Variants in ADAMTS2 observed in about 807,000 individuals in gnomAD.
The protein encoded by ADAMTS2 is A disintegrin and metalloproteinase with thrombospondin motifs 2.
ADAMTS2 carries 50 observed loss-of-function variants against 123.0 expected under a neutral mutation model. The observed-to-expected ratio is 0.41, with a 90% CI of 0.32 to 0.51. ADAMTS2 has a LOEUF of 0.51. ADAMTS2 is among the 20% of genes least tolerant of loss of function. The pLI is 0.35. For synonymous variants in ADAMTS2, 678 were observed against 695.4 expected, an observed-to-expected ratio of 0.98 and a Z score of 0.39; for missense variants, 1,494 against 1,705.2, an observed-to-expected ratio of 0.88 and a Z score of 2.18.
At chr5:179,295,154 G>C (rs574783771) in intron 2 of ADAMTS2, among the ~76,000 whole-genome samples, 1 of 152,342 alleles carries the variant, frequency 6.6e-6, no homozygotes, top group South Asian at 2.1e-4. Flanking sequence ...TTCTGGATTA[G>C]AAAGGAAACC....
At position 179,154,913 on chromosome 5, in the gene ADAMTS2, G is replaced by A. The variant is rs1439055134; in HGVS notation, c.1139C>T (p.Ala380Val). 1 of 1,613,072 alleles carries A rather than the reference G, an allele frequency of 6.2e-7. No homozygotes were observed. The highest frequency in any genetic ancestry group is 8.5e-7 in the Non-Finnish European group (1 of 1,179,774). Reference protein sequence around the residue: ...DFGPSGMQGYAPVTGMCHPVR... With the variant: ...DFGPSGMQGYVPVTGMCHPVR... ...CGGATGGCACATGCCGGTGACAGGA[G>A]CATAGCCTGGGAGGAGACAAGAGGC... The change falls in exon 7 of 22, where the codon GCT (alanine) becomes GTT (valine). Residue 380 changes from alanine to valine, a missense_variant. By Grantham distance (64) the Ala-to-Val change is moderately conservative. This residue lies in a region of ADAMTS2 where 47 missense variants were observed against 92.7 expected (regional missense o/e 0.51). Coordinates refer to ENST00000251582, the MANE Select transcript of ADAMTS2 (RefSeq NM_014244.5).
rs1289964717 is a variant in ADAMTS2, at chr5:179,129,728, A to T, written c.2457+204T>A. On this transcript the variant is annotated intron_variant, in intron 16 of 21. Transcript: ENST00000251582. The surrounding 1 kb of genome is among the most constrained non-coding windows in gnomAD (Gnocchi z 4.1). The stretch of plus-strand genomic sequence containing the variant: ...GTGTGCCCAAGGTCACCTAGGGGTC[A>T]TGTGGGGTCCAGAGCCCCGGCTCGT... 6.6e-6 allele frequency among the ~76,000 whole-genome samples: 1 copy of T among 152,212 alleles called. No homozygotes were observed. Among genetic ancestry groups the T allele is most frequent in the East Asian group, 1.9e-4 (1 of 5,180 alleles).
At position 179,307,643 on chromosome 5, in the gene ADAMTS2, G is replaced by T. The variant is rs937837102; in HGVS notation, c.535-34579C>A. The stretch of plus-strand genomic sequence containing the variant: ...GGCTTCCCACCACATGACTGCCCCG[G>T]TCCCCGCTGATTTCTCCTTCACTCA... On this transcript the variant is annotated intron_variant, in intron 2 of 21. Transcript: ENST00000251582. This position sits in a 1 kb window ranked among gnomAD's most constrained non-coding sequence, Gnocchi z 5.6. 6.6e-6 allele frequency among the ~76,000 whole-genome samples: 1 copy of T among 152,120 alleles called. No homozygotes were observed. The highest frequency in any genetic ancestry group is 2.4e-5 in the African/African-American group (1 of 41,424).
intron 3 of ADAMTS2, among the ~76,000 whole-genome samples, chr5:179,224,090 C>G (rs1188586552): frequency 6.6e-6 from 1 of 152,204 alleles, no homozygotes; most frequent in East Asian, 1.9e-4. Flanking sequence ...TCTGTATCTC[C>G]TTGGTGGGAG....
rs545089318 is a variant in ADAMTS2 at position 179,312,695 on chromosome 5, G to A, written c.534+31072C>T. ...AGAGCAGAGGGAGATGGAGGATGTC[G>A]GCCCTGAAGCCCAGAGCGAAGAGGC... is the stretch of plus-strand genomic sequence containing the variant. On this transcript the variant is annotated intron_variant, in intron 2 of 21. Transcript: ENST00000251582. The surrounding 1 kb of genome is among the most constrained non-coding windows in gnomAD (Gnocchi z 4.2). 3.9e-5 allele frequency among the ~76,000 whole-genome samples: 6 copies of A among 152,148 alleles called. No individual in the cohort carries two copies. The highest frequency in any genetic ancestry group is 6.5e-5 in the Admixed American group (1 of 15,282).
chr5:179,195,532 C>T (rs1265978109), intron 4 of ADAMTS2, among the ~76,000 whole-genome samples: 3 of 152,224 alleles, frequency 2.0e-5, no homozygotes, highest in African/African-American at 7.2e-5. Context: ...GAAGAGCGAG[C>T]TGGCAGCAGT....
In ADAMTS2 at chr5:179,115,713, A is replaced by C. The variant is rs1221136449; in HGVS notation, c.3179-1389T>G. ...GAGGAGGAAAGGGAGGGAGAAAGGGAGGGAGAAAGGCTCAGGCATTGGATG... is the reference window on the plus strand; with the variant it reads ...GAGGAGGAAAGGGAGGGAGAAAGGGCGGGAGAAAGGCTCAGGCATTGGATG... On this transcript the variant is annotated intron_variant, in intron 21 of 21. Transcript: ENST00000251582. The surrounding 1 kb of genome is among the most constrained non-coding windows in gnomAD (Gnocchi z 4.4). Among the ~76,000 whole-genome samples the C allele has an allele frequency of 6.6e-6, 1 of 151,994 alleles. No individual in the cohort carries two copies. The highest frequency in any genetic ancestry group is 2.4e-5 in the African/African-American group (1 of 41,296).
At chr5:179,248,926 G>A (rs988846013) in intron 3 of ADAMTS2, among the ~76,000 whole-genome samples, 8 of 152,060 alleles carry the variant, frequency 5.3e-5, no homozygotes, top group South Asian at 4.1e-4. Context: ...ACTCAACAGC[G>A]GCAGAATGTG....
chr5:179,258,975 C>A (rs1384578940), intron 3 of ADAMTS2, among the ~76,000 whole-genome samples: 1 of 152,198 alleles, frequency 6.6e-6, no homozygotes, highest in Admixed American at 6.5e-5. Context: ...GCCACCTGAT[C>A]CAGGCCGCAG....
intron 3 of ADAMTS2, among the ~76,000 whole-genome samples, chr5:179,261,462 CT>C (rs1349070562): frequency 1.3e-5 from 2 of 152,248 alleles, no homozygotes; most frequent in East Asian, 1.9e-4. Flanking sequence ...TAGGTGCCCC[CT>C]GATGGCTGCT....
At chr5:179,206,087 G>A (rs17079202) in intron 4 of ADAMTS2, among the ~76,000 whole-genome samples, 8,908 of 152,234 alleles carry the variant, frequency 0.059, 372 homozygotes, top group Non-Finnish European at 0.087. Flanking sequence ...TTAAAGGTAC[G>A]TTTCAAAAAT....
chr5:179,333,854 C>A (rs1383920487), intron 2 of ADAMTS2, among the ~76,000 whole-genome samples: 1 of 152,102 alleles, frequency 6.6e-6, no homozygotes, highest in Non-Finnish European at 1.5e-5. Flanking sequence ...CCCGCCTCAG[C>A]CTCCTCAAGT....
At chr5:179,195,614 C>T (rs62396159) in intron 4 of ADAMTS2, among the ~76,000 whole-genome samples, 24,549 of 152,264 alleles carry the variant, frequency 0.16, 2,418 homozygotes, top group Non-Finnish European at 0.22. Context: ...GTGGCCTCTC[C>T]GGTCGCCCGA....
At chr5:179,152,287 C>T in intron 9 of ADAMTS2, 32 bp from the exon 10 acceptor site, 1 of 1,606,612 alleles carries the variant, frequency 6.2e-7, no homozygotes. Flanking sequence ...TGCCAGGTCC[C>T]TCCCACCTCA....
chr5:179,274,324 TA>T lies in ADAMTS2; in HGVS notation c.535-1261del, dbSNP rs571406486. ...AGCTTATGACCCATGCAGGGGATTT[TA>T]AAAGCTTGAATTTGTTGCCAAACTT... On this transcript the variant is annotated intron_variant, in intron 2 of 21. Transcript: ENST00000251582. Among the ~76,000 whole-genome samples, 33 of 152,330 alleles carry T rather than the reference TA, an allele frequency of 2.2e-4. 1 individual carries two copies. The South Asian group carries it at 6.0e-3, about 28-fold the overall frequency.
rs957771345 is a variant in ADAMTS2, at chr5:179,121,742, A to G, written c.3097T>C (p.Ser1033Pro). 34 of 1,577,238 alleles carry G rather than the reference A, an allele frequency of 2.2e-5. No individual in the cohort carries two copies. The highest frequency in any genetic ancestry group is 2.6e-5 in the Non-Finnish European group (30 of 1,159,530). The change falls in exon 21 of 22, where the codon TCA becomes CCA. Residue 1033 changes from serine (S) to proline (P), a missense_variant. Physicochemically the swap from Ser to Pro is moderately conservative, Grantham distance 74. Coordinates refer to ENST00000251582, the MANE Select transcript of ADAMTS2 (RefSeq NM_014244.5). Reference protein sequence around the residue: ...CRLGPCPRNISDPSKKSYVVQ... With the variant: ...CRLGPCPRNIPDPSKKSYVVQ... ...ACGTAGCTCTTCTTGGAGGGATCTG[A>G]GATGTTTCCTAGAGGGAGGAGAGAG...
chr5:179,143,630 G>A (rs10041147), intron 10 of ADAMTS2, among the ~76,000 whole-genome samples: 59,504 of 151,832 alleles, frequency 0.39, 11,844 homozygotes, highest in African/African-American at 0.46. Flanking sequence ...GGATGGGATT[G>A]GGGGCCTTAT....
chr5:179,248,167 T>C (rs1420761053), intron 3 of ADAMTS2, among the ~76,000 whole-genome samples: 1 of 152,164 alleles, frequency 6.6e-6, no homozygotes, highest in African/African-American at 2.4e-5. Flanking sequence ...TCAAACAAAA[T>C]TGTTATGTGT....
At chr5:179,306,489 T>A (rs769408530) in intron 2 of ADAMTS2, among the ~76,000 whole-genome samples, 1 of 152,066 alleles carries the variant, frequency 6.6e-6, no homozygotes, top group African/African-American at 2.4e-5. Context: ...ACAAAAAAAC[T>A]AAAGCTAACA....
Sources: gnomAD v4.1 joint callset for allele counts (sites outside exome capture counted in the v4.1 genomes callset) on GRCh38, gnomAD v4.1.1 for gene constraint, gnomAD v4.1.1 regional missense constraint, Gnocchi (gnomAD v3.1) non-coding constraint, MANE v1.5 for transcripts, NCBI Gene and HGNC (gene_info 2026-07-23, HGNC 2026-07-21) for gene names.